PLCB1: variants seen among roughly 807,000 people sequenced by gnomAD.
PLCB1 encodes 1-phosphatidylinositol 4,5-bisphosphate phosphodiesterase beta-1.
Under a neutral mutation model 161.8 loss-of-function variants are expected in PLCB1, and 46 were observed. The ratio of observed to expected loss-of-function variants is 0.28; its 90% CI spans 0.22 to 0.36. PLCB1 has a LOEUF of 0.36. Among genes scored for constraint, PLCB1 ranks in the 10% least tolerant of loss-of-function variants. PLCB1 has a pLI of 1.00. For synonymous variants in PLCB1, 517 were observed against 503.7 expected (o/e 1.03, Z -0.35); for missense variants, 1,016 against 1,472.5 (o/e 0.69, Z 5.07).
At chr20:8,580,960 G>A (rs1216833125) in intron 3 of PLCB1, among the ~76,000 whole-genome samples, 1 of 152,192 alleles carries the variant, frequency 6.6e-6, no homozygotes, top group East Asian at 1.9e-4. Context: ...CCAGGAACTG[G>A]GGTGTGTGTG....
Position 8,413,837 on chromosome 20 carries a change from TC to T in PLCB1, c.246+42388del, listed in dbSNP as rs1979153414. Among the ~76,000 whole-genome samples the T allele has an allele frequency of 4.6e-5, 7 of 152,238 alleles. No individual in the cohort carries two copies. The South Asian group carries it at 1.4e-3, about 31-fold the overall frequency. On this transcript the variant is annotated intron_variant, in intron 3 of 31. Coordinates refer to ENST00000338037, the MANE Select transcript of PLCB1 (RefSeq NM_015192.4). ...TGGTCTAGCACCATCTCTGGTGTCTTCTATGGATGCGTTGCCTACAGTATAT... is the reference window on the plus strand; with the variant it reads ...TGGTCTAGCACCATCTCTGGTGTCTTTATGGATGCGTTGCCTACAGTATAT...
chr20:8,460,966 A>G (rs1981548668), intron 3 of PLCB1, among the ~76,000 whole-genome samples: 1 of 152,196 alleles, frequency 6.6e-6, no homozygotes, highest in Admixed American at 6.5e-5. Context: ...AATGCTTCAT[A>G]TCTGTGCCAT....
chr20:8,224,033 T>G (rs1013015210), intron 2 of PLCB1, among the ~76,000 whole-genome samples: 5 of 152,220 alleles, frequency 3.3e-5, no homozygotes, highest in Non-Finnish European at 5.9e-5. Flanking sequence ...TTTTGAGTTA[T>G]TTTGGTTAAA....
rs542070639 is a variant in PLCB1 at position 8,391,267 on chromosome 20, G to A, written c.246+19817G>A. Among the ~76,000 whole-genome samples, 182 of 151,982 alleles carry A rather than the reference G, an allele frequency of 1.2e-3. 1 individual carries two copies. Among genetic ancestry groups the A allele is most frequent in the African/African-American group, 4.3e-3 (178 of 41,466 alleles). On this transcript the variant is annotated intron_variant, in intron 3 of 31. Transcript: ENST00000338037. ...TTCTATGTATTAGCTATAGAAAAAT[G>A]AACTTGAGGCATATTTCTCTTTGCA...
In PLCB1 at chr20:8,135,530, A is replaced by C. The variant is rs8126354; in HGVS notation, c.99+2780A>C. On this transcript the variant is annotated intron_variant, in intron 1 of 31. Transcript: ENST00000338037. ...CAATCACAACAGACAGCAGGGGGGT[A>C]ATAGATCCTGGAGATACCCTGTTGT... Among the ~76,000 whole-genome samples, 508 of 152,266 alleles carry C rather than the reference A, an allele frequency of 3.3e-3. 5 individuals carry two copies. Among genetic ancestry groups the C allele is most frequent in the African/African-American group, 0.012 (481 of 41,540 alleles).
At chr20:8,362,326 T>A (rs532271627) in intron 2 of PLCB1, among the ~76,000 whole-genome samples, 17 of 152,314 alleles carry the variant, frequency 1.1e-4, no homozygotes, top group African/African-American at 4.1e-4. Context: ...GTTACTAGCA[T>A]GTTAAATCTG....
intron 23 of PLCB1, among the ~76,000 whole-genome samples, chr20:8,747,914 G>T (rs1005715707): frequency 1.3e-5 from 2 of 151,922 alleles, no homozygotes; most frequent in Non-Finnish European, 1.5e-5. Context: ...CTTTTATAAG[G>T]TTACAATGTT....
intron 20 of PLCB1, among the ~76,000 whole-genome samples, chr20:8,738,206 T>C (rs573157060): frequency 3.3e-5 from 5 of 152,370 alleles, no homozygotes; most frequent in Admixed American, 2.6e-4. Flanking sequence ...GTGGTTGTTT[T>C]CACTTTTTTT....
intron 2 of PLCB1, among the ~76,000 whole-genome samples, chr20:8,206,848 A>T (rs1025417476): frequency 7.2e-5 from 11 of 152,118 alleles, no homozygotes; most frequent in Non-Finnish European, 1.6e-4. Flanking sequence ...ATCAAATGAT[A>T]AAAAGTTTCA....
intron 17 of PLCB1, among the ~76,000 whole-genome samples, chr20:8,728,792 GT>G (rs1226839443): frequency 6.6e-6 from 1 of 151,944 alleles, no homozygotes; most frequent in Non-Finnish European, 1.5e-5. Flanking sequence ...TACTTATTCT[GT>G]TTGTTTAGAA....
chr20:8,519,779 T>C (rs1984279052), intron 3 of PLCB1, among the ~76,000 whole-genome samples: 1 of 152,194 alleles, frequency 6.6e-6, no homozygotes, highest in Non-Finnish European at 1.5e-5. Flanking sequence ...ATGACCTATA[T>C]ACTGTCATTT....
intron 10 of PLCB1, among the ~76,000 whole-genome samples, chr20:8,695,935 A>T (rs1261496013): frequency 6.6e-6 from 1 of 152,142 alleles, no homozygotes; most frequent in Non-Finnish European, 1.5e-5. Flanking sequence ...AGGCCCTCAG[A>T]CCTTTCAGGT....
chr20:8,635,402 G>T (rs1298053572), intron 4 of PLCB1, among the ~76,000 whole-genome samples: 1 of 152,194 alleles, frequency 6.6e-6, no homozygotes, highest in Non-Finnish European at 1.5e-5. Context: ...ACCATGTGCT[G>T]CAATCTTTTC....
chr20:8,722,563 TA>T, intron 15 of PLCB1, 142 bp downstream of exon 15: 1 of 501,450 alleles, frequency 2.0e-6, no homozygotes, highest in Non-Finnish European at 3.5e-6. Flanking sequence ...TTGAGGCAAT[TA>T]AATGGCTTAT....
At chr20:8,165,619 T>C (rs2051667345) in intron 2 of PLCB1, among the ~76,000 whole-genome samples, 1 of 152,212 alleles carries the variant, frequency 6.6e-6, no homozygotes, top group South Asian at 2.1e-4. Flanking sequence ...TTGTTTGGCA[T>C]TTTGAATACA....
At chr20:8,313,761 T>TC (rs11480423) in intron 2 of PLCB1, among the ~76,000 whole-genome samples, 8,570 of 152,256 alleles carry the variant, frequency 0.056, 629 homozygotes, top group African/African-American at 0.18. Context: ...TTTGAACACT[T>TC]CATTTCTGTT....
chr20:8,858,362 C>T (rs1987137823), intron 31 of PLCB1, among the ~76,000 whole-genome samples: 2 of 152,144 alleles, frequency 1.3e-5, no homozygotes, highest in Admixed American at 6.5e-5. Flanking sequence ...ATTGTTCTGA[C>T]AAGTTACAAG....
chr20:8,646,072 G>C, intron 4 of PLCB1, 30 bp from the exon 5 acceptor site: 1 of 1,448,474 alleles, frequency 6.9e-7, no homozygotes, highest in Non-Finnish European at 9.7e-7. Context: ...CAGTATTTAA[G>C]CTAATGCAAG....
chr20:8,864,946 G>C (rs1056340961), intron 31 of PLCB1, among the ~76,000 whole-genome samples: 1 of 152,194 alleles, frequency 6.6e-6, no homozygotes, highest in Non-Finnish European at 1.5e-5. Flanking sequence ...CTGATGGGAA[G>C]ATGGAAGGAG....
Sources: allele counts gnomAD v4.1 joint callset (sites outside exome capture counted in the v4.1 genomes callset), GRCh38; gene constraint gnomAD v4.1.1; transcripts MANE v1.5; gene names NCBI Gene and HGNC (gene_info 2026-07-23, HGNC 2026-07-21).